ASCC3: variants seen among roughly 807,000 people sequenced by gnomAD.
The protein encoded by ASCC3 is activating signal cointegrator 1 complex subunit 3, also known as ASC-1 complex subunit P200.
In ASCC3, 158 loss-of-function variants were observed where a neutral mutation model predicts 256.3. The observed-to-expected ratio is 0.62, with a 90% confidence interval of 0.54 to 0.70. ASCC3 has a LOEUF of 0.70. Among genes scored for constraint, ASCC3 ranks in the 30% least tolerant of loss-of-function variants. The pLI, the probability that ASCC3 is intolerant of heterozygous loss-of-function variation, is 0.00. For missense variants in ASCC3, 2,259 were observed against 2,626.0 expected (o/e 0.86, Z 3.05); for synonymous variants, 948 against 883.4 (o/e 1.07, Z -1.30).
intron 36 of ASCC3, among the ~76,000 whole-genome samples, chr6:100,585,468 G>A (rs895970879): frequency 6.6e-6 from 1 of 152,072 alleles, no homozygotes; most frequent in African/African-American, 2.4e-5. Flanking sequence ...GGTTATTCTA[G>A]TTATACATTC....
chr6:100,780,138 T>A (rs1459926293), intron 8 of ASCC3, among the ~76,000 whole-genome samples: 1 of 152,180 alleles, frequency 6.6e-6, no homozygotes, highest in African/African-American at 2.4e-5. Flanking sequence ...GAATTTTATT[T>A]AACTCAATGT....
intron 34 of ASCC3, among the ~76,000 whole-genome samples, chr6:100,594,019 A>G (rs1772143969): frequency 6.6e-6 from 1 of 152,116 alleles, no homozygotes; most frequent in South Asian, 2.1e-4. Flanking sequence ...TAATATACAC[A>G]CACAGACACA....
chr6:100,634,934 AG>A (rs1437665656), intron 25 of ASCC3, among the ~76,000 whole-genome samples: 1 of 152,056 alleles, frequency 6.6e-6, no homozygotes, highest in Admixed American at 6.6e-5. Flanking sequence ...TGTGGAGAAA[AG>A]GTAACTGTTA....
chr6:100,753,508 TA>T (rs5878645), intron 10 of ASCC3, among the ~76,000 whole-genome samples: 110,181 of 139,964 alleles, frequency 0.79, 42,443 homozygotes, highest in South Asian at 0.82. Context: ...TTTTTTTTTT[TA>T]AAAAAAAAAA....
At chr6:100,836,212 T>A (rs1188484018) in intron 4 of ASCC3, among the ~76,000 whole-genome samples, 5 of 152,108 alleles carry the variant, frequency 3.3e-5, no homozygotes. Flanking sequence ...ACAATTTAAC[T>A]CCTTCCTTCC....
At chr6:100,696,695 G>A (rs1026523199) in intron 13 of ASCC3, among the ~76,000 whole-genome samples, 4 of 151,904 alleles carry the variant, frequency 2.6e-5, no homozygotes, top group African/African-American at 4.8e-5. Context: ...CATTATTTTA[G>A]CATGACTAAA....
intron 8 of ASCC3, among the ~76,000 whole-genome samples, chr6:100,778,131 A>C: frequency 6.6e-6 from 1 of 151,850 alleles, no homozygotes; most frequent in East Asian, 1.9e-4. Flanking sequence ...TAAATCAAAG[A>C]TGACGTTTTT....
At chr6:100,740,836 C>T (rs1410423448) in intron 10 of ASCC3, among the ~76,000 whole-genome samples, 1 of 152,162 alleles carries the variant, frequency 6.6e-6, no homozygotes, top group Non-Finnish European at 1.5e-5. Flanking sequence ...ACTGATGGAT[C>T]TTGGCTCTTT....
At chr6:100,615,140 C>T (rs941736074) in intron 30 of ASCC3, among the ~76,000 whole-genome samples, 10 of 151,998 alleles carry the variant, frequency 6.6e-5, no homozygotes, top group African/African-American at 1.7e-4. Context: ...CTCAGCCTCT[C>T]GAGTAGCTGG....
chr6:100,676,293 T>C (rs559036560), intron 14 of ASCC3, among the ~76,000 whole-genome samples: 1 of 152,220 alleles, frequency 6.6e-6, no homozygotes, highest in Non-Finnish European at 1.5e-5. Flanking sequence ...CTGTTTCTCA[T>C]AGTAAATAAC....
intron 8 of ASCC3, among the ~76,000 whole-genome samples, chr6:100,779,080 T>G (rs1194504271): frequency 6.6e-6 from 1 of 152,144 alleles, no homozygotes; most frequent in Non-Finnish European, 1.5e-5. Context: ...TATACAGCTA[T>G]GATAAGCTTT....
chr6:100,607,213 A>G (rs1438084536), intron 30 of ASCC3, 125 bp from the exon 31 acceptor site: 2 of 965,678 alleles, frequency 2.1e-6, no homozygotes, highest in Non-Finnish European at 3.1e-6. Context: ...TATAAGTCCT[A>G]TATACAGTTA....
intron 25 of ASCC3, among the ~76,000 whole-genome samples, chr6:100,634,957 T>C (rs187447633): frequency 6.6e-6 from 1 of 152,092 alleles, no homozygotes; most frequent in East Asian, 1.9e-4. Flanking sequence ...TGTACATGAT[T>C]GGTGGTAATG....
At chr6:100,680,675 A>C (rs1279528472) in intron 13 of ASCC3, among the ~76,000 whole-genome samples, 1 of 152,192 alleles carries the variant, frequency 6.6e-6, no homozygotes, top group East Asian at 1.9e-4. Context: ...AAATGACTTA[A>C]AGACAAGTTC....
intron 13 of ASCC3, among the ~76,000 whole-genome samples, chr6:100,694,188 C>T (rs1254351205): frequency 6.6e-6 from 1 of 151,816 alleles, no homozygotes; most frequent in African/African-American, 2.4e-5. Context: ...ATAAAACAGT[C>T]CAGGTAGGTG....
chr6:100,583,758 A>G (rs559624900), intron 36 of ASCC3, among the ~76,000 whole-genome samples: 1 of 151,998 alleles, frequency 6.6e-6, no homozygotes, highest in African/African-American at 2.4e-5. Context: ...CACTGCTTTG[A>G]ATGTGTCCCA....
At chr6:100,842,763 G>C (rs1377464064) in intron 4 of ASCC3, among the ~76,000 whole-genome samples, 1 of 152,112 alleles carries the variant, frequency 6.6e-6, no homozygotes, top group Non-Finnish European at 1.5e-5. Context: ...TTGAGGCCAG[G>C]AATTCATGAC....
At chr6:100,852,309 G>C (rs1177475234) in intron 3 of ASCC3, among the ~76,000 whole-genome samples, 1 of 152,148 alleles carries the variant, frequency 6.6e-6, no homozygotes, top group Non-Finnish European at 1.5e-5. Flanking sequence ...CTATTAGCCG[G>C]CTGAACCACC....
Position 100,763,397 on chromosome 6 carries a change from C to A in ASCC3, c.1737+3168G>T, listed in dbSNP as rs562841770. On this transcript the variant is annotated intron_variant, in intron 10 of 41. Coordinates refer to ENST00000369162, the MANE Select transcript of ASCC3 (RefSeq NM_006828.4). ...GAAGGATACAGAGTCTAGCAAAGTG[C>A]AAAAATGGGCAAATGGGTAAGAAAT... Among the ~76,000 whole-genome samples, 29 of 152,186 alleles carry A rather than the reference C, an allele frequency of 1.9e-4. 1 individual carries two copies. The highest frequency in any genetic ancestry group is 8.3e-4 in the South Asian group (4 of 4,818).
Sources: gnomAD v4.1 joint callset for allele counts (sites outside exome capture counted in the v4.1 genomes callset) on GRCh38, gnomAD v4.1.1 for gene constraint, MANE v1.5 for transcripts, NCBI Gene and HGNC (gene_info 2026-07-23, HGNC 2026-07-21) for gene names.